Variants in ADARB2 observed in about 807,000 individuals in gnomAD.
ADARB2 encodes inactive double-stranded RNA-specific editase B2.
A neutral mutation model predicts 62.2 loss-of-function variants in ADARB2; 25 were observed. That is an observed-to-expected ratio of 0.40 (90% CI 0.29 to 0.56). The LOEUF (loss-of-function observed/expected upper bound fraction) is 0.56. Among genes scored for constraint, ADARB2 ranks in the 20% least tolerant of loss-of-function variants. The pLI is 0.43. For synonymous variants in ADARB2, 572 were observed against 500.8 expected (o/e 1.14, Z -1.90); for missense variants, 1,071 against 1,077.4 (o/e 0.99, Z 0.08).
intron 3 of ADARB2, among the ~76,000 whole-genome samples, chr10:1,316,386 C>G (rs1271705316): frequency 1.3e-5 from 2 of 152,228 alleles, no homozygotes; most frequent in Non-Finnish European, 2.9e-5. Context: ...CTTGTCGCAG[C>G]CCTTGCCTTG....
chr10:1,278,945 C>T (rs775902810), intron 3 of ADARB2, among the ~76,000 whole-genome samples: 2 of 152,176 alleles, frequency 1.3e-5, no homozygotes, highest in African/African-American at 4.8e-5. Flanking sequence ...GAATGAATGA[C>T]TGCGTGTATG....
chr10:1,679,300 AT>A (rs1834506688), intron 1 of ADARB2, among the ~76,000 whole-genome samples: 1 of 152,140 alleles, frequency 6.6e-6, no homozygotes, highest in African/African-American at 2.4e-5. Flanking sequence ...GGTTTGGGTG[AT>A]AAATAATGTG....
chr10:1,455,161 G>A (rs983042595), intron 1 of ADARB2, among the ~76,000 whole-genome samples: 2 of 152,168 alleles, frequency 1.3e-5, no homozygotes, highest in African/African-American at 4.8e-5. Context: ...TGAATAGTTG[G>A]CAGCTGGCTT....
intron 3 of ADARB2, among the ~76,000 whole-genome samples, chr10:1,315,817 A>ATGT (rs1831734255): frequency 6.6e-6 from 1 of 152,248 alleles, no homozygotes; most frequent in Non-Finnish European, 1.5e-5. Context: ...AATGAAGAAA[A>ATGT]TGTTTTAGAC....
intron 2 of ADARB2, among the ~76,000 whole-genome samples, chr10:1,373,083 A>C (rs1321707975): frequency 6.6e-6 from 1 of 152,218 alleles, no homozygotes; most frequent in African/African-American, 2.4e-5. Flanking sequence ...CAGCAGATTC[A>C]ATGCCATCCC....
intron 3 of ADARB2, among the ~76,000 whole-genome samples, chr10:1,296,535 T>TG (rs1831524772): frequency 6.6e-6 from 1 of 152,128 alleles, no homozygotes; most frequent in African/African-American, 2.4e-5. Context: ...GCCTGGTGCA[T>TG]GGGAGTCTTC....
In ADARB2 at chr10:1,559,621, G is replaced by C. The variant is rs374908088; in HGVS notation, c.100+177430C>G. 2.4e-4 allele frequency among the ~76,000 whole-genome samples: 36 copies of C among 152,302 alleles called. No individual in the cohort carries two copies. In the East Asian group the frequency reaches 2.7e-3, roughly 11 times the overall value. On this transcript the variant is annotated intron_variant, in intron 1 of 9. Transcript: ENST00000381312. ...ACGGTCAGGAGGAGCCTGGGCCGGT[G>C]GGGGGTGGTGCTGAGGTCAGCGGTG...
chr10:1,689,863 C>A (rs981232851), intron 1 of ADARB2, among the ~76,000 whole-genome samples: 1 of 152,132 alleles, frequency 6.6e-6, no homozygotes, highest in African/African-American at 2.4e-5. Context: ...ATAACAGTCC[C>A]CTCTACAGTT....
intron 1 of ADARB2, among the ~76,000 whole-genome samples, chr10:1,533,394 C>T (rs930860677): frequency 2.0e-5 from 3 of 151,668 alleles, no homozygotes; most frequent in Non-Finnish European, 2.9e-5. Context: ...TCCCAAAGTC[C>T]TGGGATTACA....
At position 1,363,141 on chromosome 10, in the gene ADARB2, G is replaced by T; in HGVS notation, c.964C>A (p.Arg322Ser). 1.3e-6 allele frequency: 2 copies of T among 1,547,928 alleles called. No homozygotes were observed. The highest frequency in any genetic ancestry group is 1.2e-5 in the South Asian group (1 of 85,398). ...TGACCCCGGGCCAGCTTCTTGCTGC[G>T]CCCCGAGCCCTCGAACGTCCTGCCG... ...VDGRTFEGSG[R>S]SKKLARGQAA... Residue 322 changes from arginine to serine, a missense_variant, in exon 3 of 10, where the codon CGC (arginine) becomes AGC (serine). Coordinates refer to ENST00000381312, the MANE Select transcript of ADARB2 (RefSeq NM_018702.4).
chr10:1,315,533 G>A lies in ADARB2; in HGVS notation c.1078-44464C>T, dbSNP rs1033046102. ...TCTTTTTTAATTCTAAACAGTCAAT[G>A]AGGGATCAAAGGAAATGTCATATTT... is the stretch of plus-strand genomic sequence containing the variant. On this transcript the variant is annotated intron_variant, in intron 3 of 9. Coordinates refer to ENST00000381312, the MANE Select transcript of ADARB2 (RefSeq NM_018702.4). Among the ~76,000 whole-genome samples the A allele has an allele frequency of 4.6e-5, 7 of 152,224 alleles. No individual in the cohort carries two copies. In the East Asian group the frequency reaches 1.3e-3, roughly 29 times the overall value.
chr10:1,305,706 G>C (rs1020302777), intron 3 of ADARB2, among the ~76,000 whole-genome samples: 70 of 152,164 alleles, frequency 4.6e-4, no homozygotes, highest in African/African-American at 1.6e-3. Flanking sequence ...TATCCACCAT[G>C]ATCAAGTGGG....
chr10:1,604,184 A>AT (rs891416710), intron 1 of ADARB2, among the ~76,000 whole-genome samples: 5 of 152,162 alleles, frequency 3.3e-5, no homozygotes, highest in Admixed American at 6.5e-5. Flanking sequence ...AGAAAAATAT[A>AT]TTTTTTTCAG....
intron 1 of ADARB2, among the ~76,000 whole-genome samples, chr10:1,393,588 G>T (rs961959123): frequency 2.6e-5 from 4 of 152,160 alleles, no homozygotes; most frequent in African/African-American, 9.7e-5. Context: ...GGACATTCCT[G>T]TGTCAACACT....
chr10:1,644,654 G>A (rs542702729), intron 1 of ADARB2, among the ~76,000 whole-genome samples: 127 of 152,340 alleles, frequency 8.3e-4, no homozygotes, highest in African/African-American at 2.8e-3. Context: ...TGATGCTGGC[G>A]GAGCACAAGC....
chr10:1,410,303 C>G (rs1832748629), intron 1 of ADARB2, among the ~76,000 whole-genome samples: 2 of 135,646 alleles, frequency 1.5e-5, no homozygotes, highest in South Asian at 4.2e-4. Context: ...GTGCTGAGGC[C>G]TGGCCGTGGT....
intron 6 of ADARB2, among the ~76,000 whole-genome samples, chr10:1,231,322 C>G (rs1196378072): frequency 1.3e-5 from 2 of 152,186 alleles, no homozygotes; most frequent in Non-Finnish European, 2.9e-5. Context: ...CAGTAGCTGT[C>G]CAATGGACCA....
chr10:1,561,472 T>C (rs1832785799), intron 1 of ADARB2, among the ~76,000 whole-genome samples: 1 of 152,224 alleles, frequency 6.6e-6, no homozygotes, highest in Non-Finnish European at 1.5e-5. Flanking sequence ...CTCACCACTG[T>C]TTCAAGCACT....
At chr10:1,351,681 C>T (rs2820618) in intron 3 of ADARB2, among the ~76,000 whole-genome samples, 64,384 of 151,322 alleles carry the variant, frequency 0.43, 14,243 homozygotes, top group East Asian at 0.82. Context: ...CCTCACCATC[C>T]CATTAAAACC....
Sources: allele counts gnomAD v4.1 joint callset (sites outside exome capture counted in the v4.1 genomes callset), GRCh38; gene constraint gnomAD v4.1.1; transcripts MANE v1.5; gene names NCBI Gene and HGNC (gene_info 2026-07-23, HGNC 2026-07-21).